The following PPP2R1A variants were observed in gnomAD, a reference collection of about 807,000 sequenced individuals.
The protein encoded by PPP2R1A is serine/threonine-protein phosphatase 2A 65 kDa regulatory subunit A alpha isoform.
PPP2R1A carries 15 observed loss-of-function variants against 67.1 expected under a neutral mutation model. That is an observed-to-expected ratio of 0.22 (90% CI 0.15 to 0.34). The LOEUF (loss-of-function observed/expected upper bound fraction) is 0.34. Among genes scored for constraint, PPP2R1A ranks in the 10% least tolerant of loss-of-function variants. The pLI is 1.00. For synonymous variants in PPP2R1A, 337 were observed against 325.0 expected, an observed-to-expected ratio of 1.04 and a Z score of -0.40; for missense variants, 369 against 775.0, an observed-to-expected ratio of 0.48 and a Z score of 6.22.
At chr19:52,207,869 C>G (rs893235278) in intron 3 of PPP2R1A, among the ~76,000 whole-genome samples, 9 of 152,102 alleles carry the variant, frequency 5.9e-5, no homozygotes, top group Non-Finnish European at 1.0e-4. Flanking sequence ...GAGCTGTAAA[C>G]AAGGGAGGCA....
rs112346829 is a variant in PPP2R1A at position 52,219,173 on chromosome 19, C to A, written c.1129-518C>A. On this transcript the variant is annotated intron_variant, in intron 9 of 14. Transcript: ENST00000322088. The surrounding 1 kb of genome is among the most constrained non-coding windows in gnomAD (Gnocchi z 4.0). ...GGGCTGGAGCTGGGCAAGGGCCAGT[C>A]CTATCCTCGGAATGTGCAGGGTTTC... Among the ~76,000 whole-genome samples, 1,021 of 152,332 alleles carry A rather than the reference C, an allele frequency of 6.7e-3. 13 individuals carry two copies. The highest frequency in any genetic ancestry group is 0.023 in the African/African-American group (971 of 41,568).
intron 1 of PPP2R1A, among the ~76,000 whole-genome samples, chr19:52,200,115 G>A (rs935373550): frequency 3.3e-5 from 5 of 152,322 alleles, no homozygotes; most frequent in Middle Eastern, 3.4e-3. Context: ...GAACAGAACA[G>A]GCTAAGGGAG....
rs1979396289 is a variant in PPP2R1A, at chr19:52,228,629, CTG to C, written c.*2653_*2654del. ...CTGGAGCTGGGTCAGGGTGGAGAGA[CTG>C]TGTGGAGCCAGGACTCATGACCCTG... On this transcript the variant is annotated 3_prime_UTR_variant, in exon 15 of 15. Transcript: ENST00000322088. 2 of 152,320 alleles carry C rather than the reference CTG, an allele frequency of 1.3e-5. No individual in the cohort carries two copies. The highest frequency in any genetic ancestry group is 2.1e-4 in the South Asian group (1 of 4,822). 9.4% of individuals were successfully genotyped at this position (152,320 alleles called of 1,614,324 possible). A position where few individuals can be genotyped will look rare whatever the true frequency, so the allele number is the denominator to read the frequency against.
rs1978977400 is a variant in PPP2R1A at position 52,222,162 on chromosome 19, A to G, written c.1582A>G (p.Met528Val). The change falls in exon 13 of 15, where the codon ATG becomes GTG. Residue 528 changes from methionine to valine, a missense_variant. Physicochemically the swap from Met to Val is conservative, Grantham distance 21. This residue lies in a region of PPP2R1A where 276 missense variants were observed against 508.4 expected (regional missense o/e 0.54). Transcript: ENST00000322088. The part of the protein sequence containing the change: ...TKHMLPTVLR[M>V]AGDPVANVRF... ...GCACATGCTACCCACGGTTCTGCGC[A>G]TGGCTGGGGACCCGGTTGCCAATGT... is the stretch of plus-strand genomic sequence containing the variant. 1 of 1,614,158 alleles carries G rather than the reference A, an allele frequency of 6.2e-7. No homozygotes were observed. The highest frequency in any genetic ancestry group is 8.5e-7 in the Non-Finnish European group (1 of 1,180,036).
In PPP2R1A at chr19:52,212,622, G is replaced by C; in HGVS notation, c.504-64G>C. On this transcript the variant is annotated intron_variant, in intron 4 of 14. Transcript: ENST00000322088. This position sits in a 1 kb window ranked among gnomAD's most constrained non-coding sequence, Gnocchi z 4.1. Reference sequence around the variant, plus strand: ...AAACCTGGACCCACACAACTGCAGAGTCTGTGCTTGCTCCTCTCTGCCATA... The same window carrying C: ...AAACCTGGACCCACACAACTGCAGACTCTGTGCTTGCTCCTCTCTGCCATA... The C allele has an allele frequency of 6.3e-7, 1 of 1,579,924 alleles. No individual in the cohort carries two copies. The highest frequency in any genetic ancestry group is 1.3e-5 in the African/African-American group (1 of 74,526).
intron 2 of PPP2R1A, 118 bp from the exon 3 acceptor site, chr19:52,205,845 G>A (rs545693415): frequency 3.8e-5 from 31 of 813,034 alleles, no homozygotes; most frequent in African/African-American, 2.2e-4. Context: ...GCAAGTGGGC[G>A]GATGGAAGAA....
chr19:52,216,481 G>T lies in PPP2R1A; in HGVS notation c.994-48G>T. 6.2e-7 allele frequency: 1 copy of T among 1,611,880 alleles called. No individual in the cohort carries two copies. The highest frequency in any genetic ancestry group is 8.5e-7 in the Non-Finnish European group (1 of 1,178,650). ...GTTGGCATCTGCTTAGCCACTTGCT[G>T]CTGCAGGGGTTGCACTGACCCCTGT... On this transcript the variant is annotated intron_variant, in intron 8 of 14. Coordinates refer to ENST00000322088, the MANE Select transcript of PPP2R1A (RefSeq NM_014225.6). This position sits in a 1 kb window ranked among gnomAD's most constrained non-coding sequence, Gnocchi z 4.3.
rs1007318454 is a variant in PPP2R1A, at chr19:52,226,297, C to A, written c.*316C>A. 5 of 437,484 alleles carry A rather than the reference C, an allele frequency of 1.1e-5. No homozygotes were observed. The highest frequency in any genetic ancestry group is 4.0e-5 in the Admixed American group (1 of 25,152). 27.1% of individuals were successfully genotyped at this position (437,484 alleles called of 1,614,324 possible). A position where few individuals can be genotyped will look rare whatever the true frequency, so the allele number is the denominator to read the frequency against. ...GCTGCTGTAATGGGAACCCCTCCCC[C>A]ATTTACTTCTCCACCTCCCGTCCTC... On this transcript the variant is annotated 3_prime_UTR_variant, in exon 15 of 15. Coordinates refer to ENST00000322088, the MANE Select transcript of PPP2R1A (RefSeq NM_014225.6).
chr19:52,197,140 T>C (rs764147503), intron 1 of PPP2R1A, among the ~76,000 whole-genome samples: 11 of 152,176 alleles, frequency 7.2e-5, no homozygotes, highest in African/African-American at 1.2e-4. Context: ...TTTATTTTCA[T>C]TAACCTTTAA....
In PPP2R1A at chr19:52,219,627, T is replaced by G; in HGVS notation, c.1129-64T>G. 2 of 1,495,420 alleles carry G rather than the reference T, an allele frequency of 1.3e-6. No homozygotes were observed. Among genetic ancestry groups the G allele is most frequent in the Non-Finnish European group, 1.8e-6 (2 of 1,098,508 alleles). The allele number at this position is 1,495,420 out of a possible 1,614,324, so 92.6% of individuals were successfully genotyped here. The stretch of plus-strand genomic sequence containing the variant: ...TAAAAGTTGATGCAGCTGAGCTCTT[T>G]CCATCCTGTCCTGGGTTGCTGTGTG... On this transcript the variant is annotated intron_variant, in intron 9 of 14. Transcript: ENST00000322088. This position sits in a 1 kb window ranked among gnomAD's most constrained non-coding sequence, Gnocchi z 4.0.
Position 52,219,472 on chromosome 19 carries a change from T to G in PPP2R1A, c.1129-219T>G, listed in dbSNP as rs1034405113. 6.6e-6 allele frequency among the ~76,000 whole-genome samples: 1 copy of G among 152,256 alleles called. No individual in the cohort carries two copies. The highest frequency in any genetic ancestry group is 1.5e-5 in the Non-Finnish European group (1 of 68,052). ...TTTCAAAATGGATAAACATTTCTTG[T>G]GATACTATTGTAAGGTTTAAAAATC... On this transcript the variant is annotated intron_variant, in intron 9 of 14. Coordinates refer to ENST00000322088, the MANE Select transcript of PPP2R1A (RefSeq NM_014225.6). This position sits in a 1 kb window ranked among gnomAD's most constrained non-coding sequence, Gnocchi z 4.0.
In PPP2R1A at chr19:52,226,167, A is replaced by G. The variant is rs1178683388; in HGVS notation, c.*186A>G. The G allele has an allele frequency of 1.8e-5, 16 of 907,570 alleles. No individual in the cohort carries two copies. The highest frequency in any genetic ancestry group is 1.5e-4 in the South Asian group (9 of 61,208). The allele number at this position is 907,570 out of a possible 1,614,324, so 56.2% of individuals were successfully genotyped here. A position where few individuals can be genotyped will look rare whatever the true frequency, so the allele number is the denominator to read the frequency against. On this transcript the variant is annotated 3_prime_UTR_variant, in exon 15 of 15. Coordinates refer to ENST00000322088, the MANE Select transcript of PPP2R1A (RefSeq NM_014225.6). ...AAGATGTCTCACTGTCCACCTCCCA[A>G]CGGGCTAGGGGAGCACGGGGTTGGA...
chr19:52,195,181 C>T (rs2089487144), intron 1 of PPP2R1A, among the ~76,000 whole-genome samples: 1 of 152,112 alleles, frequency 6.6e-6, no homozygotes, highest in Non-Finnish European at 1.5e-5. Flanking sequence ...CCCCTTTCCA[C>T]AGGTGCATAT....
chr19:52,216,690 G>C lies in PPP2R1A; in HGVS notation c.1128+27G>C, dbSNP rs1375259318. 1.9e-6 allele frequency: 3 copies of C among 1,613,938 alleles called. No individual in the cohort carries two copies. The highest frequency in any genetic ancestry group is 1.7e-6 in the Non-Finnish European group (2 of 1,179,998). ...TAAGGGCACCAGGATCTCAGCTCTG[G>C]GTTTGTGGAGGGGACAGGCGGGTCT... On this transcript the variant is annotated intron_variant, in intron 9 of 14. Coordinates refer to ENST00000322088, the MANE Select transcript of PPP2R1A (RefSeq NM_014225.6). The surrounding 1 kb of genome is among the most constrained non-coding windows in gnomAD (Gnocchi z 4.3).
chr19:52,220,874 C>T (rs1022542492), intron 11 of PPP2R1A, 105 bp from the exon 12 acceptor site: 10 of 1,347,372 alleles, frequency 7.4e-6, no homozygotes, highest in African/African-American at 5.8e-5. Flanking sequence ...TGCAGCCTGG[C>T]ACCTAGGGGC....
At chr19:52,203,341 T>C (rs991598733) in intron 2 of PPP2R1A, among the ~76,000 whole-genome samples, 11 of 152,150 alleles carry the variant, frequency 7.2e-5, no homozygotes, top group African/African-American at 1.4e-4. Context: ...TGGTGAACTG[T>C]TGGGGAGACT....
Position 52,226,283 on chromosome 19 carries a change from G to A in PPP2R1A, c.*302G>A. The A allele has an allele frequency of 2.2e-6, 1 of 464,024 alleles. No homozygotes were observed. The highest frequency in any genetic ancestry group is 3.8e-6 in the Non-Finnish European group (1 of 262,110). The allele number at this position is 464,024 out of a possible 1,614,324, so 28.7% of individuals were successfully genotyped here. ...GGTCACTGGATCCTGCTGCTGTAAT[G>A]GGAACCCCTCCCCCATTTACTTCTC... On this transcript the variant is annotated 3_prime_UTR_variant, in exon 15 of 15. Transcript: ENST00000322088.
At chr19:52,200,526 A>G (rs1331423249) in intron 1 of PPP2R1A, 2 of 152,260 alleles carry the variant, frequency 1.3e-5, no homozygotes. Context: ...TGTGAGATCT[A>G]TTATGTGTGT....
rs764338093 is a variant in PPP2R1A at position 52,220,969 on chromosome 19, C to CTT, written c.1364-10_1364-9insTT. 1.2e-6 allele frequency: 2 copies of CTT among 1,613,922 alleles called. No individual in the cohort carries two copies. The highest frequency in any genetic ancestry group is 2.2e-5 in the East Asian group (1 of 44,894). On this transcript the variant is annotated splice_polypyrimidine_tract_variant and intron_variant, in intron 11 of 14. Coordinates refer to ENST00000322088, the MANE Select transcript of PPP2R1A (RefSeq NM_014225.6). ...AAATCCCTGTCTCTCTCACCCTCACCCTTCTGCAGTATATGCCATCCGCGA... is the reference window on the plus strand; with the variant it reads ...AAATCCCTGTCTCTCTCACCCTCACCTTCTTCTGCAGTATATGCCATCCGCGA...
Sources: gnomAD v4.1 joint callset for allele counts (sites outside exome capture counted in the v4.1 genomes callset) on GRCh38, gnomAD v4.1.1 for gene constraint, gnomAD v4.1.1 regional missense constraint, Gnocchi (gnomAD v3.1) non-coding constraint, MANE v1.5 for transcripts, NCBI Gene and HGNC (gene_info 2026-07-23, HGNC 2026-07-21) for gene names.